The following HYKK variants were observed in gnomAD, a reference collection of about 807,000 sequenced individuals.
HYKK encodes the protein hydroxylysine kinase, also known as 5-hydroxy-L-lysine kinase.
Under a neutral mutation model 29.7 loss-of-function variants are expected in HYKK, and 19 were observed. The ratio of observed to expected loss-of-function variants is 0.64; its 90% confidence interval spans 0.45 to 0.94. The LOEUF is 0.94. Ranked by LOEUF, HYKK falls within the 40% of genes least tolerant of loss-of-function variation. The pLI is 0.00. For missense variants in HYKK, 390 were observed against 443.4 expected (o/e 0.88, Z 1.08); for synonymous variants, 152 against 158.1 (o/e 0.96, Z 0.29).
At chr15:78,510,107 CTCTCTT>C (rs887262285) in intron 1 of HYKK, among the ~76,000 whole-genome samples, 1 of 146,512 alleles carries the variant, frequency 6.8e-6, no homozygotes, top group Non-Finnish European at 1.5e-5. Flanking sequence ...CTTTCTCTCT[CTCTCTT>C]TCTTCTTTCT....
chr15:78,527,596 AT>A, intron 4 of HYKK, 33 bp downstream of exon 4: 1 of 1,607,238 alleles, frequency 6.2e-7, no homozygotes, highest in Non-Finnish European at 8.5e-7. Flanking sequence ...ATTTTTCTTG[AT>A]ATTTAAACTG....
At chr15:78,520,589 A>G (rs1185417043) in intron 3 of HYKK, among the ~76,000 whole-genome samples, 2 of 152,114 alleles carry the variant, frequency 1.3e-5, no homozygotes, top group Non-Finnish European at 2.9e-5. Flanking sequence ...CCAAGGCAGA[A>G]GAATTTTTCT....
chr15:78,518,915 T>TAAA (rs764174063), intron 3 of HYKK: 2 of 88,560 alleles, frequency 2.3e-5, no homozygotes, highest in Admixed American at 1.3e-4. Context: ...AGACTCTGTC[T>TAAA]AAAAAAAAAA....
chr15:78,519,674 T>C (rs1017783065), intron 3 of HYKK, among the ~76,000 whole-genome samples: 1 of 152,054 alleles, frequency 6.6e-6, no homozygotes, highest in Non-Finnish European at 1.5e-5. Context: ...GCAAAGAGAA[T>C]CACTTGAACC....
At chr15:78,511,471 C>G (rs1351964304) in intron 1 of HYKK, among the ~76,000 whole-genome samples, 2 of 152,076 alleles carry the variant, frequency 1.3e-5, no homozygotes, top group African/African-American at 4.8e-5. Context: ...CCTGTAATCC[C>G]AGCACTTTGG....
chr15:78,519,710 G>A (rs541501508), intron 3 of HYKK, among the ~76,000 whole-genome samples: 12 of 152,210 alleles, frequency 7.9e-5, no homozygotes, highest in South Asian at 2.1e-4. Flanking sequence ...GCAGTGAGGC[G>A]AGACCGCACC....
At chr15:78,530,439 G>A (rs1271234440) in intron 4 of HYKK, among the ~76,000 whole-genome samples, 1 of 151,854 alleles carries the variant, frequency 6.6e-6, no homozygotes, top group Non-Finnish European at 1.5e-5. Context: ...GAACTTTTTT[G>A]GTTATATCTT....
At chr15:78,521,373 A>G (rs1330457018) in intron 3 of HYKK, among the ~76,000 whole-genome samples, 4 of 152,066 alleles carry the variant, frequency 2.6e-5, no homozygotes, top group Non-Finnish European at 5.9e-5. Context: ...AAAGCTTTGT[A>G]CTAGAGGACA....
intron 3 of HYKK, among the ~76,000 whole-genome samples, chr15:78,516,043 T>TAATC (rs1407903486): frequency 4.6e-5 from 7 of 152,190 alleles, no homozygotes; most frequent in Non-Finnish European, 1.0e-4. Flanking sequence ...AGTCACAGTA[T>TAATC]AATCAACTGG....
Position 78,534,343 on chromosome 15 carries a change from G to A in HYKK, c.*673G>A, listed in dbSNP as rs905228674. On this transcript the variant is annotated 3_prime_UTR_variant, in exon 5 of 5. Coordinates refer to ENST00000388988, the MANE Select transcript of HYKK (RefSeq NM_001013619.4). ...CGGCTCATTGCAAGCTCCGCTTCTC[G>A]AGTTCACGCCATTCTCCTGCCTCAG... The A allele has an allele frequency of 1.4e-5, 2 of 146,332 alleles. No individual in the cohort carries two copies. Among genetic ancestry groups the A allele is most frequent in the Non-Finnish European group, 3.0e-5 (2 of 67,364 alleles). The allele number at this position is 146,332 out of a possible 1,614,324, so 9.1% of individuals were successfully genotyped here.
intron 4 of HYKK, 142 bp downstream of exon 4, chr15:78,527,705 A>G: frequency 7.1e-7 from 1 of 1,402,682 alleles, no homozygotes; most frequent in Non-Finnish European, 9.2e-7. Context: ...TTAAATAATA[A>G]TATTTTTACT....
chr15:78,531,599 T>G (rs2052313265), intron 4 of HYKK, among the ~76,000 whole-genome samples: 1 of 152,172 alleles, frequency 6.6e-6, no homozygotes, highest in Admixed American at 6.5e-5. Flanking sequence ...TGATGTAATC[T>G]CAGCTCACTG....
intron 1 of HYKK, among the ~76,000 whole-genome samples, chr15:78,510,527 C>T (rs9788721): frequency 0.65 from 99,281 of 151,864 alleles, 32,554 homozygotes; most frequent in Admixed American, 0.74. Flanking sequence ...GTCATCAGGC[C>T]ATAGTCCTAG....
Position 78,534,887 on chromosome 15 carries a change from A to G in HYKK, c.*1217A>G, listed in dbSNP as rs575144073. ...GGAACCTCCTTAAGCATATAAGCAT[A>G]TATTTTTTAATTCTCTATAATCTGT... On this transcript the variant is annotated 3_prime_UTR_variant, in exon 5 of 5. Transcript: ENST00000388988. The G allele has an allele frequency of 6.6e-6, 1 of 152,346 alleles. No homozygotes were observed. The highest frequency in any genetic ancestry group is 2.1e-4 in the South Asian group (1 of 4,828). 9.4% of individuals were successfully genotyped at this position (152,346 alleles called of 1,614,324 possible). A position where few individuals can be genotyped will look rare whatever the true frequency, so the allele number is the denominator to read the frequency against.
chr15:78,533,137 T>G, intron 4 of HYKK, 73 bp from the exon 5 acceptor site: 1 of 940,638 alleles, frequency 1.1e-6, no homozygotes, highest in Non-Finnish European at 1.6e-6. Flanking sequence ...TGGCTTTGCC[T>G]ATGAAAGAGA....
At chr15:78,532,710 T>C (rs1283065461) in intron 4 of HYKK, among the ~76,000 whole-genome samples, 1 of 152,044 alleles carries the variant, frequency 6.6e-6, no homozygotes, top group Admixed American at 6.6e-5. Context: ...GGCAGGAGAA[T>C]TGCTTGAACC....
chr15:78,517,056 C>CCACTTCTT (rs1291122830), intron 3 of HYKK, among the ~76,000 whole-genome samples: 1 of 147,658 alleles, frequency 6.8e-6, no homozygotes, highest in Non-Finnish European at 1.5e-5. Flanking sequence ...AGACATTGCT[C>CCACTTCTT]CACTTCTTGC....
rs2052342294 is a variant in HYKK at position 78,534,355 on chromosome 15, T to TTCTC, written c.*686_*689dup. 6.7e-6 allele frequency: 1 copy of TTCTC among 150,362 alleles called. No homozygotes were observed. The highest frequency in any genetic ancestry group is 2.4e-5 in the African/African-American group (1 of 41,008). 9.3% of individuals were successfully genotyped at this position (150,362 alleles called of 1,614,324 possible). On this transcript the variant is annotated 3_prime_UTR_variant, in exon 5 of 5. Coordinates refer to ENST00000388988, the MANE Select transcript of HYKK (RefSeq NM_001013619.4). ...AGCTCCGCTTCTCGAGTTCACGCCA[T>TTCTC]TCTCCTGCCTCAGCCTCCTGAGTAG...
chr15:78,529,972 G>T (rs965843252), intron 4 of HYKK, among the ~76,000 whole-genome samples: 6 of 149,684 alleles, frequency 4.0e-5, no homozygotes, highest in African/African-American at 1.5e-4. Context: ...CAAGTAGCTG[G>T]GACTAACCTA....
Sources: allele counts gnomAD v4.1 joint callset (sites outside exome capture counted in the v4.1 genomes callset), GRCh38; gene constraint gnomAD v4.1.1; transcripts MANE v1.5; gene names NCBI Gene and HGNC (gene_info 2026-07-23, HGNC 2026-07-21).